EBF3: variants seen among roughly 807,000 people sequenced by gnomAD.
EBF3 encodes the protein EBF transcription factor 3, also known as transcription factor COE3.
In EBF3, 18 loss-of-function variants were observed where a neutral mutation model predicts 77.1. The observed-to-expected ratio is 0.23, with a 90% confidence interval of 0.16 to 0.35. The LOEUF is 0.35. Among genes scored for constraint, EBF3 ranks in the 10% least tolerant of loss-of-function variants. The pLI is 1.00. For synonymous variants in EBF3, 350 were observed against 343.5 expected (o/e 1.02, Z -0.21); for missense variants, 558 against 860.0 (o/e 0.65, Z 4.39).
chr10:129,920,856 T>G (rs112908559), intron 6 of EBF3, among the ~76,000 whole-genome samples: 4,504 of 152,194 alleles, frequency 0.03, 223 homozygotes, highest in African/African-American at 0.1. Context: ...CCAGGGTGGG[T>G]GCAGAGGTCT....
chr10:129,856,787 G>A (rs549656665), intron 10 of EBF3, among the ~76,000 whole-genome samples: 6 of 152,204 alleles, frequency 3.9e-5, no homozygotes, highest in Admixed American at 2.0e-4. Flanking sequence ...GTGAATATAC[G>A]AAAAGCCACT....
In EBF3 at chr10:129,837,297, T is replaced by A. The variant is rs1444896109; in HGVS notation, c.*646A>T. ...AGGCAAGAGAATTCAATATCAAAGT[T>A]ACAATTTCTAACTACAATAAGTTAC... On this transcript the variant is annotated 3_prime_UTR_variant, in exon 17 of 17. Coordinates refer to ENST00000440978, the MANE Select transcript of EBF3 (RefSeq NM_001375380.1). 1 of 152,676 alleles carries A rather than the reference T, an allele frequency of 6.5e-6. No homozygotes were observed. The highest frequency in any genetic ancestry group is 1.5e-5 in the Non-Finnish European group (1 of 68,056). 9.5% of individuals were successfully genotyped at this position (152,676 alleles called of 1,614,324 possible). A position where few individuals can be genotyped will look rare whatever the true frequency, so the allele number is the denominator to read the frequency against.
intron 6 of EBF3, among the ~76,000 whole-genome samples, chr10:129,883,946 G>C (rs958854746): frequency 6.6e-6 from 1 of 152,170 alleles, no homozygotes; most frequent in Non-Finnish European, 1.5e-5. Flanking sequence ...AACAAAAAAC[G>C]TCCTGCCCCG....
At chr10:129,898,435 G>A (rs1854544996) in intron 6 of EBF3, among the ~76,000 whole-genome samples, 2 of 152,178 alleles carry the variant, frequency 1.3e-5, no homozygotes, top group South Asian at 4.1e-4. Flanking sequence ...GAAAAAGTCA[G>A]CAACAATGGG....
chr10:129,889,332 G>C (rs1853845180), intron 6 of EBF3, among the ~76,000 whole-genome samples: 1 of 152,230 alleles, frequency 6.6e-6, no homozygotes, highest in African/African-American at 2.4e-5. Context: ...CCCCACTAGA[G>C]GGCTTCTCGG....
chr10:129,837,677 C>A lies in EBF3; in HGVS notation c.*266G>T. ...GCGTCGCTTTGTTTTCCTTATTCTT[C>A]AGGACTGAGAAATGTGAAAATATGA... On this transcript the variant is annotated 3_prime_UTR_variant, in exon 17 of 17. Coordinates refer to ENST00000440978, the MANE Select transcript of EBF3 (RefSeq NM_001375380.1). The A allele has an allele frequency of 1.2e-5, 6 of 490,464 alleles. No homozygotes were observed. Among genetic ancestry groups the A allele is most frequent in the East Asian group, 3.5e-5 (1 of 28,338 alleles). The allele number at this position is 490,464 out of a possible 1,614,324, so 30.4% of individuals were successfully genotyped here. A position where few individuals can be genotyped will look rare whatever the true frequency, so the allele number is the denominator to read the frequency against.
In EBF3 at chr10:129,839,409, G is replaced by A. The variant is rs554288064; in HGVS notation, c.1760-214C>T. On this transcript the variant is annotated intron_variant, in intron 15 of 16. Coordinates refer to ENST00000440978, the MANE Select transcript of EBF3 (RefSeq NM_001375380.1). ...GGCCTGGGGGCACCCATGTGGCTCT[G>A]CCCGTCACACACATCACAGGCCACG... Among the ~76,000 whole-genome samples the A allele has an allele frequency of 9.2e-4, 140 of 152,304 alleles. 2 individuals are homozygous for A. The highest frequency in any genetic ancestry group is 3.3e-3 in the African/African-American group (138 of 41,576).
At chr10:129,953,026 T>A (rs1858779944) in intron 6 of EBF3, among the ~76,000 whole-genome samples, 1 of 142,998 alleles carries the variant, frequency 7.0e-6, no homozygotes, top group Non-Finnish European at 1.5e-5. Context: ...GGAAACACTG[T>A]TGACTAAAAA....
chr10:129,917,615 G>GCTT (rs1359251172), intron 6 of EBF3, among the ~76,000 whole-genome samples: 1 of 112,738 alleles, frequency 8.9e-6, no homozygotes, highest in Non-Finnish European at 1.6e-5. Context: ...AATGGCCACT[G>GCTT]CATTCCAGCT....
At chr10:129,925,455 G>A (rs1207315030) in intron 6 of EBF3, among the ~76,000 whole-genome samples, 1 of 151,886 alleles carries the variant, frequency 6.6e-6, no homozygotes, top group Non-Finnish European at 1.5e-5. Context: ...AGCAAGGCGT[G>A]GTGGTGCATG....
Position 129,964,244 on chromosome 10 carries a change from C to T in EBF3, c.-476G>A. The T allele has an allele frequency of 1.0e-6, 1 of 984,958 alleles. No homozygotes were observed. Among genetic ancestry groups the T allele is most frequent in the Non-Finnish European group, 1.2e-6 (1 of 829,786 alleles). 61.0% of individuals were successfully genotyped at this position (984,958 alleles called of 1,614,324 possible). On this transcript the variant is annotated 5_prime_UTR_variant, in exon 1 of 17. Coordinates refer to ENST00000440978, the MANE Select transcript of EBF3 (RefSeq NM_001375380.1). This position sits in a 1 kb window ranked among gnomAD's most constrained non-coding sequence, Gnocchi z 4.5. ...GCGGCGCGCGCAGCGGACGGAGGCG[C>T]ACAAAACTCAGCCCTCTCTCCCCGA...
At chr10:129,855,777 AG>A (rs1315594235) in intron 10 of EBF3, among the ~76,000 whole-genome samples, 1 of 152,256 alleles carries the variant, frequency 6.6e-6, no homozygotes. Context: ...AGGAACATCA[AG>A]TGTCCCTCTG....
Position 129,842,122 on chromosome 10 carries a change from C to T in EBF3, c.1366G>A (p.Asp456Asn), listed in dbSNP as rs768330808. ...TCCCAGCATGCTGGCATACCTTGGT[C>T]GTTGGCTTGTGACGTCTCTGACACG... ...VNVSETSQAN[D>N]QVGYSRNTSS... The change falls in exon 13 of 17, where the codon GAC becomes AAC. Residue 456 changes from aspartate (D) to asparagine (N), a missense_variant. Physicochemically the swap from Asp to Asn is conservative, Grantham distance 23. Transcript: ENST00000440978. The surrounding 1 kb of genome is among the most constrained non-coding windows in gnomAD (Gnocchi z 4.4). 3.7e-6 allele frequency: 6 copies of T among 1,614,082 alleles called. No homozygotes were observed. The highest frequency in any genetic ancestry group is 2.2e-5 in the East Asian group (1 of 44,874).
intron 9 of EBF3, 33 bp downstream of exon 9, chr10:129,867,749 A>G (rs1181014371): frequency 6.2e-7 from 1 of 1,611,432 alleles, no homozygotes; most frequent in East Asian, 2.2e-5. Context: ...GAAGACAGCA[A>G]CAGCGCGAAG....
chr10:129,840,192 C>CAA, intron 15 of EBF3, 53 bp downstream of exon 15: 193 of 772,834 alleles, frequency 2.5e-4, no homozygotes, highest in Non-Finnish European at 3.6e-4. Context: ...CCACTCCCAT[C>CAA]CCCACCCCTG....
At position 129,839,208 on chromosome 10, in the gene EBF3, A is replaced by C; in HGVS notation, c.1760-13T>G. 7 of 1,192,898 alleles carry C rather than the reference A, an allele frequency of 5.9e-6. No individual in the cohort carries two copies. The highest frequency in any genetic ancestry group is 7.9e-6 in the Non-Finnish European group (7 of 887,570). 73.9% of individuals were successfully genotyped at this position (1,192,898 alleles called of 1,614,324 possible). A position where few individuals can be genotyped will look rare whatever the true frequency, so the allele number is the denominator to read the frequency against. On this transcript the variant is annotated splice_polypyrimidine_tract_variant and intron_variant, in intron 15 of 16. Transcript: ENST00000440978. ...CCCAGCAGAGAGCCTGGTACATAGT[A>C]GGTGCTCAGTAAATACTGGTTGAAT...
At chr10:129,914,012 T>G (rs1855701757) in intron 6 of EBF3, among the ~76,000 whole-genome samples, 1 of 152,214 alleles carries the variant, frequency 6.6e-6, no homozygotes, top group Non-Finnish European at 1.5e-5. Context: ...CAAGGCCTGG[T>G]GGTTCAAGAA....
In EBF3 at chr10:129,963,375, T is replaced by C. The variant is rs1359497073; in HGVS notation, c.283A>G (p.Lys95Glu). 1 of 1,583,694 alleles carries C rather than the reference T, an allele frequency of 6.3e-7. No individual in the cohort carries two copies. Among genetic ancestry groups the C allele is most frequent in the Admixed American group, 1.8e-5 (1 of 56,932 alleles). Residue 95 changes from lysine to glutamate, a missense_variant, in exon 2 of 17, where the codon AAA becomes GAA. This residue lies in a region of EBF3 where 84 missense variants were observed against 142.3 expected (regional missense o/e 0.59). Transcript: ENST00000440978. This position sits in a 1 kb window ranked among gnomAD's most constrained non-coding sequence, Gnocchi z 7.1. ...ERTAFVDFVE[K>E]EKEPNNEKTN... ...CGTGTGTTTGCACTTACTTTCTCTT[T>C]CTCCACAAAGTCCACAAAAGCGGTC... is the stretch of plus-strand genomic sequence containing the variant.
At position 129,947,200 on chromosome 10, in the gene EBF3, C is replaced by G. The variant is rs947553922; in HGVS notation, c.554+10058G>C. 6.6e-6 allele frequency among the ~76,000 whole-genome samples: 1 copy of G among 152,204 alleles called. No homozygotes were observed. Among genetic ancestry groups the G allele is most frequent in the Non-Finnish European group, 1.5e-5 (1 of 68,040 alleles). On this transcript the variant is annotated intron_variant, in intron 6 of 16. Transcript: ENST00000440978. This position sits in a 1 kb window ranked among gnomAD's most constrained non-coding sequence, Gnocchi z 4.5. ...CCAAATATCAAGGAAGAGGGGCCGC[C>G]GGGGGACCACCCCATCCCGGCACAC...
Sources: gnomAD v4.1 joint callset for allele counts (sites outside exome capture counted in the v4.1 genomes callset) on GRCh38, gnomAD v4.1.1 for gene constraint, gnomAD v4.1.1 regional missense constraint, Gnocchi (gnomAD v3.1) non-coding constraint, MANE v1.5 for transcripts, NCBI Gene and HGNC (gene_info 2026-07-23, HGNC 2026-07-21) for gene names.